The following AKAP6 variants were observed in gnomAD, a reference collection of about 807,000 sequenced individuals.
AKAP6 encodes A-kinase anchoring protein 6, also known as A-kinase anchor protein 6.
A neutral mutation model predicts 188.5 loss-of-function variants in AKAP6; 58 were observed. That is an observed-to-expected ratio of 0.31 (90% CI 0.25 to 0.38). The LOEUF (loss-of-function observed/expected upper bound fraction) is 0.38. Among genes scored for constraint, AKAP6 ranks in the 10% least tolerant of loss-of-function variants. AKAP6 has a pLI of 1.00. For synonymous variants in AKAP6, 989 were observed against 998.6 expected (o/e 0.99, Z 0.18); for missense variants, 2,710 against 2,740.0 (o/e 0.99, Z 0.24).
At chr14:32,697,711 T>A (rs1018200064) in intron 9 of AKAP6, among the ~76,000 whole-genome samples, 12 of 150,880 alleles carry the variant, frequency 8.0e-5, no homozygotes, top group African/African-American at 3.0e-4. Flanking sequence ...TAAGCCACTA[T>A]TTTTTCAGAA....
intron 12 of AKAP6, among the ~76,000 whole-genome samples, chr14:32,816,932 G>T (rs949962543): frequency 5.9e-5 from 9 of 152,028 alleles, no homozygotes; most frequent in African/African-American, 2.2e-4. Flanking sequence ...CCTTCTTAAA[G>T]GTTCTGCACA....
chr14:32,447,767 T>C (rs1890803956), intron 2 of AKAP6, among the ~76,000 whole-genome samples: 1 of 152,228 alleles, frequency 6.6e-6, no homozygotes, highest in South Asian at 2.1e-4. Flanking sequence ...CTTGGACTAG[T>C]TGGCAACTTA....
intron 1 of AKAP6, among the ~76,000 whole-genome samples, chr14:32,343,739 T>A (rs1341658503): frequency 1.0e-5 from 1 of 97,006 alleles, no homozygotes; most frequent in Non-Finnish European, 1.8e-5. Context: ...AGAGCAAGAT[T>A]CCGTCTCAAA....
rs11417769 is a variant in AKAP6, at chr14:32,834,533, C to CTTTTTTTTT, written c.*4741_*4749dup. On this transcript the variant is annotated 3_prime_UTR_variant, in exon 14 of 14. Transcript: ENST00000280979. ...CACACACTGCTTTTAGTTTCCAAGT[C>CTTTTTTTTT]TTTTTTTTTTTTTTTTTTTTTAAAT... 1 of 103,874 alleles carries CTTTTTTTTT rather than the reference C, an allele frequency of 9.6e-6. No homozygotes were observed. The highest frequency in any genetic ancestry group is 1.8e-5 in the Non-Finnish European group (1 of 54,306). The allele number at this position is 103,874 out of a possible 1,614,324, so 6.4% of individuals were successfully genotyped here.
intron 12 of AKAP6, among the ~76,000 whole-genome samples, chr14:32,813,784 C>T (rs1218257588): frequency 1.3e-5 from 2 of 152,008 alleles, no homozygotes; most frequent in Non-Finnish European, 2.9e-5. Flanking sequence ...GGAATTCCTT[C>T]CTACAACTTC....
At chr14:32,575,802 T>G (rs192958169) in intron 4 of AKAP6, among the ~76,000 whole-genome samples, 28 of 152,268 alleles carry the variant, frequency 1.8e-4, no homozygotes, top group Admixed American at 3.9e-4. Flanking sequence ...CTATGTGGGA[T>G]GATAGACTGA....
chr14:32,813,392 C>CCG (rs1555365133), intron 12 of AKAP6, among the ~76,000 whole-genome samples: 5 of 111,338 alleles, frequency 4.5e-5, no homozygotes, highest in Admixed American at 8.3e-5. Context: ...TAACCCTACC[C>CCG]CCCCCCCCAA....
At chr14:32,370,942 T>C (rs535554463) in intron 1 of AKAP6, among the ~76,000 whole-genome samples, 1 of 152,308 alleles carries the variant, frequency 6.6e-6, no homozygotes, top group African/African-American at 2.4e-5. Context: ...AGTAGATTCC[T>C]GAAGGTGCAG....
chr14:32,649,488 C>T lies in AKAP6; in HGVS notation c.2731-28823C>T, dbSNP rs553683403. Among the ~76,000 whole-genome samples the T allele has an allele frequency of 3.3e-5, 5 of 152,166 alleles. No homozygotes were observed. In the East Asian group the frequency reaches 9.6e-4, roughly 29 times the overall value. ...ATGCTACAAAGTTTTCATTAAATTT[C>T]TAGAAATTTCTTTATATTTCTAAGG... is the stretch of plus-strand genomic sequence containing the variant. On this transcript the variant is annotated intron_variant, in intron 7 of 13. Transcript: ENST00000280979.
At chr14:32,780,997 A>G (rs1298147302) in intron 12 of AKAP6, among the ~76,000 whole-genome samples, 1 of 152,188 alleles carries the variant, frequency 6.6e-6, no homozygotes, top group African/African-American at 2.4e-5. Flanking sequence ...CACCAAAACT[A>G]AGATCTTAGT....
At chr14:32,511,163 C>T (rs931786416) in intron 2 of AKAP6, among the ~76,000 whole-genome samples, 1 of 152,100 alleles carries the variant, frequency 6.6e-6, no homozygotes, top group Non-Finnish European at 1.5e-5. Context: ...TAGGAATTTC[C>T]TTGTTGTCAG....
At chr14:32,671,641 A>G (rs529981329) in intron 7 of AKAP6, among the ~76,000 whole-genome samples, 1 of 152,046 alleles carries the variant, frequency 6.6e-6, no homozygotes, top group Admixed American at 6.6e-5. Context: ...GAAGTCTGGT[A>G]CCAAAATGCA....
chr14:32,733,797 G>C (rs919152946), intron 10 of AKAP6: 1 of 152,048 alleles, frequency 6.6e-6, no homozygotes, highest in African/African-American at 2.4e-5. Context: ...AGCATTCATT[G>C]ATCTCAAACA....
chr14:32,823,637 T>A lies in AKAP6; in HGVS notation c.5824T>A (p.Leu1942Ile). ...TAAGTGTAAAGCACTTATGGATAGT[T>A]TAGATGATTCAAATACTGCTGGCAA... ...HCKCKALMDS[L>I]DDSNTAGKEF... Residue 1942 changes from leucine to isoleucine, a missense_variant, in exon 13 of 14, where the codon TTA becomes ATA. By Grantham distance (5) the Leu-to-Ile change is conservative (BLOSUM62 2). Coordinates refer to ENST00000280979, the MANE Select transcript of AKAP6 (RefSeq NM_004274.5). The A allele has an allele frequency of 6.2e-7, 1 of 1,613,832 alleles. No homozygotes were observed. Among genetic ancestry groups the A allele is most frequent in the Admixed American group, 1.7e-5 (1 of 59,930 alleles).
chr14:32,586,875 A>G (rs1219705534), intron 5 of AKAP6, among the ~76,000 whole-genome samples: 2 of 152,254 alleles, frequency 1.3e-5, no homozygotes, highest in Non-Finnish European at 1.5e-5. Context: ...GTTGGGTACT[A>G]TAAGTATATC....
At chr14:32,816,902 G>A (rs917154038) in intron 12 of AKAP6, among the ~76,000 whole-genome samples, 3 of 152,036 alleles carry the variant, frequency 2.0e-5, no homozygotes, top group African/African-American at 7.3e-5. Flanking sequence ...GAATAAACAG[G>A]GGGAGCACAT....
At chr14:32,415,435 A>G (rs548802814) in intron 1 of AKAP6, among the ~76,000 whole-genome samples, 1 of 152,186 alleles carries the variant, frequency 6.6e-6, no homozygotes, top group Non-Finnish European at 1.5e-5. Context: ...AGATCTACAG[A>G]TACTTTTATC....
In AKAP6 at chr14:32,458,575, C is replaced by A. The variant is rs994837413; in HGVS notation, c.324+24758C>A. ...AATGAACAACATAAAGAGTTGATTA[C>A]CATACAAAGTTATTATTTTTTACAA... On this transcript the variant is annotated intron_variant, in intron 2 of 13. Transcript: ENST00000280979. 3.7e-4 allele frequency among the ~76,000 whole-genome samples: 57 copies of A among 152,080 alleles called. 1 individual carries two copies. Among genetic ancestry groups the A allele is most frequent in the African/African-American group, 7.5e-4 (31 of 41,496 alleles).
rs1885832394 is a variant in AKAP6 at position 32,599,399 on chromosome 14, T to G, written c.2470-11T>G. ...CTTGCCAGGGTTTAATGTTCATATT[T>G]TTCCTTGCAGAGTTTTAAGTTGAAT... On this transcript the variant is annotated splice_polypyrimidine_tract_variant and intron_variant, in intron 5 of 13. Transcript: ENST00000280979. 6.2e-7 allele frequency: 1 copy of G among 1,607,426 alleles called. No homozygotes were observed. Among genetic ancestry groups the G allele is most frequent in the African/African-American group, 1.3e-5 (1 of 74,730 alleles).
Sources: allele counts gnomAD v4.1 joint callset (sites outside exome capture counted in the v4.1 genomes callset), GRCh38; gene constraint gnomAD v4.1.1; transcripts MANE v1.5; gene names NCBI Gene and HGNC (gene_info 2026-07-23, HGNC 2026-07-21).